VEGFA: variants seen among roughly 807,000 people sequenced by gnomAD.
VEGFA encodes the protein vascular endothelial growth factor A, long form.
Under a neutral mutation model 49.7 loss-of-function variants are expected in VEGFA, and 20 were observed. The observed-to-expected ratio is 0.40, with a 90% CI of 0.28 to 0.58. The LOEUF (loss-of-function observed/expected upper bound fraction) is 0.58. Ranked by LOEUF, VEGFA falls within the 20% of genes least tolerant of loss-of-function variation. The probability of loss-of-function intolerance (pLI) is 0.40; values close to 1 mark genes in which losing one functional copy is unlikely to be tolerated. For missense variants in VEGFA, 505 were observed against 553.5 expected, an observed-to-expected ratio of 0.91 and a Z score of 0.88; for synonymous variants, 219 against 223.4, an observed-to-expected ratio of 0.98 and a Z score of 0.18.
At chr6:43,782,466 G>A (rs1028573724) in intron 7 of VEGFA, 4 of 341,100 alleles carry the variant, frequency 1.2e-5, no homozygotes, top group Non-Finnish European at 1.7e-5. Context: ...GCTGAAAGCC[G>A]ATTCCAGGTG....
intron 7 of VEGFA, chr6:43,782,615 C>T (rs1057299780): frequency 4.5e-6 from 1 of 220,448 alleles, no homozygotes; most frequent in Non-Finnish European, 9.2e-6. Flanking sequence ...GACTGGGCCT[C>T]CCTGAGGAAA....
chr6:43,781,641 C>T (rs1767796346), intron 6 of VEGFA: 2 of 384,776 alleles, frequency 5.2e-6, no homozygotes, highest in Admixed American at 3.7e-5. Flanking sequence ...GGGGCAACAG[C>T]AGTTGGGTCC....
chr6:43,782,252 T>TTC, intron 7 of VEGFA, 165 bp downstream of exon 7: 2 of 1,063,000 alleles, frequency 1.9e-6, no homozygotes, highest in Non-Finnish European at 2.7e-6. Flanking sequence ...CCTTCTCTGC[T>TTC]TTTAAGGCCC....
In VEGFA at chr6:43,777,681, A is replaced by C; in HGVS notation, c.855+16A>C. On this transcript the variant is annotated intron_variant, in intron 3 of 7. Transcript: ENST00000672860. The surrounding 1 kb of genome is among the most constrained non-coding windows in gnomAD (Gnocchi z 4.3). ...CACCATGCAGGTGGGCATCTTTGGG[A>C]AGTGGGGCAAGGGGGGGATAGGGAG... is the stretch of plus-strand genomic sequence containing the variant. 8.9e-7 allele frequency: 1 copy of C among 1,121,478 alleles called. No individual in the cohort carries two copies. The highest frequency in any genetic ancestry group is 1.3e-6 in the Non-Finnish European group (1 of 792,090). The allele number at this position is 1,121,478 out of a possible 1,614,324, so 69.5% of individuals were successfully genotyped here.
intron 6 of VEGFA, 139 bp from the exon 7 acceptor site, chr6:43,781,817 G>A: frequency 2.6e-6 from 3 of 1,172,228 alleles, no homozygotes; most frequent in Non-Finnish European, 3.7e-6. Flanking sequence ...GTAGCGCTCG[G>A]ATCCTTCCAG....
rs148948865 is a variant in VEGFA at position 43,772,740 on chromosome 6, GGA to G, written c.606+1432_606+1433del. ...GCCTTCCCTCAGCCAGAATTCCCTT[GGA>G]GAGGAGGCAAGAGGAAAGCCATGGA... On this transcript the variant is annotated intron_variant, in intron 1 of 7. Coordinates refer to ENST00000672860, the MANE Select transcript of VEGFA (RefSeq NM_003376.6). Among the ~76,000 whole-genome samples, 1,164 of 152,282 alleles carry G rather than the reference GGA, an allele frequency of 7.6e-3. 16 individuals are homozygous for G. The highest frequency in any genetic ancestry group is 0.026 in the African/African-American group (1,084 of 41,560).
At position 43,770,450 on chromosome 6, in the gene VEGFA, T is replaced by G. The variant is rs1157908268; in HGVS notation, c.-257T>G. 1.7e-6 allele frequency: 1 copy of G among 598,440 alleles called. No individual in the cohort carries two copies. The highest frequency in any genetic ancestry group is 2.5e-6 in the Non-Finnish European group (1 of 404,826). The allele number at this position is 598,440 out of a possible 1,614,324, so 37.1% of individuals were successfully genotyped here. A position where few individuals can be genotyped will look rare whatever the true frequency, so the allele number is the denominator to read the frequency against. ...TTTATTTTTGCTTGCCATTCCCCAC[T>G]TGAATCGGGCCGACGGCTTGGGGAG... On this transcript the variant is annotated 5_prime_UTR_variant, in exon 1 of 8. Coordinates refer to ENST00000672860, the MANE Select transcript of VEGFA (RefSeq NM_003376.6).
intron 5 of VEGFA, chr6:43,779,291 T>G: frequency 2.3e-6 from 1 of 435,338 alleles, no homozygotes; most frequent in Non-Finnish European, 4.2e-6. Flanking sequence ...CCAGCTTTTG[T>G]GTGTCAGAGG....
Position 43,784,781 on chromosome 6 carries a change from C to G in VEGFA, c.*219C>G. ...GGCGAGACTCCGGCGGAAGCATTCC[C>G]GGGCGGGTGACCCAGCACGGTCCCT... On this transcript the variant is annotated 3_prime_UTR_variant, in exon 8 of 8. Coordinates refer to ENST00000672860, the MANE Select transcript of VEGFA (RefSeq NM_003376.6). 1 of 804,398 alleles carries G rather than the reference C, an allele frequency of 1.2e-6. No individual in the cohort carries two copies. Among genetic ancestry groups the G allele is most frequent in the East Asian group, 2.7e-5 (1 of 37,456 alleles). The allele number at this position is 804,398 out of a possible 1,614,324, so 49.8% of individuals were successfully genotyped here.
At chr6:43,776,183 G>A (rs1765356807) in intron 2 of VEGFA, 1 of 152,238 alleles carries the variant, frequency 6.6e-6, no homozygotes, top group South Asian at 2.1e-4. Context: ...TTAGAGATCA[G>A]CCCAACCCAC....
intron 1 of VEGFA, 159 bp from the exon 2 acceptor site, chr6:43,774,182 C>T (rs1045508599): frequency 4.7e-5 from 35 of 741,218 alleles, no homozygotes; most frequent in Middle Eastern, 7.1e-4. Context: ...ATTCTGTGCC[C>T]GTGGGGACCC....
At position 43,780,720 on chromosome 6, in the gene VEGFA, T is replaced by C. The variant is rs202065563; in HGVS notation, c.963-12T>C. The C allele has an allele frequency of 5.0e-6, 8 of 1,613,936 alleles. No homozygotes were observed. The highest frequency in any genetic ancestry group is 2.2e-5 in the East Asian group (1 of 44,876). ...CCCGCTCTCTCTCTGTCTCTGTTTT[T>C]TTATTTTCCAGAAAATCAGTTCGAG... On this transcript the variant is annotated splice_polypyrimidine_tract_variant and intron_variant, in intron 5 of 7. Coordinates refer to ENST00000672860, the MANE Select transcript of VEGFA (RefSeq NM_003376.6).
intron 7 of VEGFA, chr6:43,784,245 T>C (rs574319336): frequency 4.6e-5 from 25 of 547,338 alleles, no homozygotes; most frequent in Middle Eastern, 4.9e-4. Context: ...ATTTGTTGCT[T>C]TGTAAAGTGT....
Position 43,774,388 on chromosome 6 carries a change from C to A in VEGFA, c.654C>A (p.His218Gln), listed in dbSNP as rs555315943. 1 of 1,614,208 alleles carries A rather than the reference C, an allele frequency of 6.2e-7. No individual in the cohort carries two copies. Among genetic ancestry groups the A allele is most frequent in the Non-Finnish European group, 8.5e-7 (1 of 1,180,024 alleles). Reference sequence around the variant, plus strand: ...CAGAAGGAGGAGGGCAGAATCATCACGAAGGTGAGTCCCCCTGGCTGTTGG... The same window carrying A: ...CAGAAGGAGGAGGGCAGAATCATCAAGAAGGTGAGTCCCCCTGGCTGTTGG... The change falls in exon 2 of 8, where the codon CAC (histidine) becomes CAA (glutamine). Residue 218 changes from histidine to glutamine, a missense_variant. This residue lies in a region of VEGFA where 340 missense variants were observed against 321.8 expected (regional missense o/e 1.06). Coordinates refer to ENST00000672860, the MANE Select transcript of VEGFA (RefSeq NM_003376.6).
Position 43,785,704 on chromosome 6 carries a change from C to G in VEGFA, c.*1142C>G. ...CCTTCCTCCATCCCCTGGTCCTTCC[C>G]TTCCCTTCCCGAGGCACAGAGAGAC... On this transcript the variant is annotated 3_prime_UTR_variant, in exon 8 of 8. Transcript: ENST00000672860. 5.1e-6 allele frequency: 1 copy of G among 194,924 alleles called. No homozygotes were observed. Among genetic ancestry groups the G allele is most frequent in the East Asian group, 8.3e-5 (1 of 12,090 alleles). 12.1% of individuals were successfully genotyped at this position (194,924 alleles called of 1,614,324 possible). A position where few individuals can be genotyped will look rare whatever the true frequency, so the allele number is the denominator to read the frequency against.
Position 43,784,825 on chromosome 6 carries a change from A to G in VEGFA, c.*263A>G. The G allele has an allele frequency of 3.2e-6, 2 of 630,134 alleles. No individual in the cohort carries two copies. The highest frequency in any genetic ancestry group is 1.8e-5 in the South Asian group (1 of 54,158). The allele number at this position is 630,134 out of a possible 1,614,324, so 39.0% of individuals were successfully genotyped here. ...GGTCCCTCTTGGAATTGGATTCGCC[A>G]TTTTATTTTTCTTGCTGCTAAATCA... On this transcript the variant is annotated 3_prime_UTR_variant, in exon 8 of 8. Transcript: ENST00000672860.
At position 43,779,384 on chromosome 6, in the gene VEGFA, C is replaced by G. The variant is rs188642303; in HGVS notation, c.962+466C>G. The stretch of plus-strand genomic sequence containing the variant: ...GGGTGGTTTCTCAGTGCATGCCCTC[C>G]TGTAGGCGGCAGGCGGCAGACACAC... On this transcript the variant is annotated intron_variant, in intron 5 of 7. Coordinates refer to ENST00000672860, the MANE Select transcript of VEGFA (RefSeq NM_003376.6). The G allele has an allele frequency of 2.9e-3, 1,005 of 343,630 alleles. 7 individuals are homozygous for G. The highest frequency in any genetic ancestry group is 8.4e-3 in the South Asian group (301 of 36,022). 21.3% of individuals were successfully genotyped at this position (343,630 alleles called of 1,614,324 possible). A position where few individuals can be genotyped will look rare whatever the true frequency, so the allele number is the denominator to read the frequency against.
rs865955036 is a variant in VEGFA, at chr6:43,772,126, G to T, written c.606+814G>T. 1.0e-4 allele frequency: 96 copies of T among 959,202 alleles called. No homozygotes were observed. In the African/African-American group the frequency reaches 1.4e-3, roughly 14 times the overall value. The allele number at this position is 959,202 out of a possible 1,614,324, so 59.4% of individuals were successfully genotyped here. ...GGTAGCCCCAGCCCGGGGATCCAGA[G>T]AACCATCCCTACCCCTTCCTACTGT... On this transcript the variant is annotated intron_variant, in intron 1 of 7. Coordinates refer to ENST00000672860, the MANE Select transcript of VEGFA (RefSeq NM_003376.6).
At chr6:43,771,410 ACGCGGGTCCATG>A (rs1763505075) in intron 1 of VEGFA, 98 bp downstream of exon 1, 1 of 1,261,996 alleles carries the variant, frequency 7.9e-7, no homozygotes, top group Non-Finnish European at 1.1e-6. Flanking sequence ...TCCGTGCCCC[ACGCGGGTCCATG>A]GGCACCAGGC....
Sources: gnomAD v4.1 joint callset for allele counts (sites outside exome capture counted in the v4.1 genomes callset) on GRCh38, gnomAD v4.1.1 for gene constraint, gnomAD v4.1.1 regional missense constraint, Gnocchi (gnomAD v3.1) non-coding constraint, MANE v1.5 for transcripts, NCBI Gene and HGNC (gene_info 2026-07-23, HGNC 2026-07-21) for gene names.